LUC7L2: variants seen among roughly 807,000 people sequenced by gnomAD.
The protein encoded by LUC7L2 is LUC7 like 2, pre-mRNA splicing factor, also known as putative RNA-binding protein Luc7-like 2.
A neutral mutation model predicts 52.8 loss-of-function variants in LUC7L2; 25 were observed. That is an observed-to-expected ratio of 0.47 (90% CI 0.34 to 0.66). LUC7L2 has a LOEUF of 0.66. Ranked by LOEUF, LUC7L2 falls within the 30% of genes least tolerant of loss-of-function variation. The probability of loss-of-function intolerance (pLI) is 0.01; values close to 1 mark genes in which losing one functional copy is unlikely to be tolerated. For synonymous variants in LUC7L2, 144 were observed against 160.9 expected (o/e 0.89, Z 0.80); for missense variants, 328 against 497.8 (o/e 0.66, Z 3.25).
At chr7:139,367,858 A>G (rs971562620) in intron 1 of LUC7L2, among the ~76,000 whole-genome samples, 6 of 152,166 alleles carry the variant, frequency 3.9e-5, no homozygotes, top group Non-Finnish European at 7.3e-5. Context: ...GCAGGATTTC[A>G]CCAACTGGTT....
chr7:139,376,795 CT>C (rs1204732837), intron 2 of LUC7L2, among the ~76,000 whole-genome samples: 1 of 152,198 alleles, frequency 6.6e-6, no homozygotes, highest in African/African-American at 2.4e-5. Context: ...TTACAAGTAG[CT>C]TCCCTTCATA....
At chr7:139,392,662 T>A (rs1199000422) in intron 2 of LUC7L2, 1 of 197,610 alleles carries the variant, frequency 5.1e-6, no homozygotes, top group African/African-American at 2.4e-5. Context: ...GTAAACTACT[T>A]GTCTTTTTTT....
rs759390623 is a variant in LUC7L2 at position 139,422,347 on chromosome 7, G to A, written c.*7G>A. 4 of 1,604,036 alleles carry A rather than the reference G, an allele frequency of 2.5e-6. No individual in the cohort carries two copies. The South Asian group carries it at 3.4e-5, about 13-fold the overall frequency. On this transcript the variant is annotated 3_prime_UTR_variant, in exon 10 of 10. Transcript: ENST00000354926. The stretch of plus-strand genomic sequence containing the variant: ...CGAAGCAGGGGAGATCTAACTAGCT[G>A]TGTACATTTCTTCAGTCCTTAAGCT...
At chr7:139,379,870 A>G (rs990630168) in intron 2 of LUC7L2, among the ~76,000 whole-genome samples, 5 of 152,042 alleles carry the variant, frequency 3.3e-5, no homozygotes, top group African/African-American at 9.7e-5. Flanking sequence ...CTGGTCTGGC[A>G]TAACTAATTC....
intron 1 of LUC7L2, among the ~76,000 whole-genome samples, chr7:139,370,666 G>A (rs756833744): frequency 6.6e-6 from 1 of 152,130 alleles, no homozygotes; most frequent in Non-Finnish European, 1.5e-5. Context: ...TGTTAGCCAG[G>A]CTGGCCTTGA....
intron 1 of LUC7L2, among the ~76,000 whole-genome samples, chr7:139,360,607 G>A (rs1244101666): frequency 6.6e-6 from 1 of 152,156 alleles, no homozygotes; most frequent in Admixed American, 6.5e-5. Flanking sequence ...AGACGGGAGA[G>A]CCCGCGTCTC....
chr7:139,417,518 A>C lies in LUC7L2; in HGVS notation c.810-20A>C. The C allele has an allele frequency of 3.7e-6, 6 of 1,603,030 alleles. No individual in the cohort carries two copies. Among genetic ancestry groups the C allele is most frequent in the Non-Finnish European group, 4.3e-6 (5 of 1,171,360 alleles). On this transcript the variant is annotated intron_variant, in intron 8 of 9. Transcript: ENST00000354926. ...ATAGTAATTACAAAGGTAGAAACAA[A>C]ATCAAATCTTGTCTGGTAGATCCAG...
rs1017553408 is a variant in LUC7L2, at chr7:139,422,560, TAC to T, written c.*222_*223del. On this transcript the variant is annotated 3_prime_UTR_variant, in exon 10 of 10. Coordinates refer to ENST00000354926, the MANE Select transcript of LUC7L2 (RefSeq NM_016019.5). ...TGAACCTGTAATACAGTTCTGAAAG[TAC>T]AGTTTTATATAATAAGATGCTGATC... 10 of 912,274 alleles carry T rather than the reference TAC, an allele frequency of 1.1e-5. No individual in the cohort carries two copies. The highest frequency in any genetic ancestry group is 1.0e-4 in the African/African-American group (6 of 57,788). The allele number at this position is 912,274 out of a possible 1,614,324, so 56.5% of individuals were successfully genotyped here. A position where few individuals can be genotyped will look rare whatever the true frequency, so the allele number is the denominator to read the frequency against.
intron 1 of LUC7L2, among the ~76,000 whole-genome samples, chr7:139,362,514 A>G (rs1483872870): frequency 1.3e-5 from 2 of 151,924 alleles, no homozygotes; most frequent in African/African-American, 2.4e-5. Flanking sequence ...CAAACAGCCT[A>G]TGGGAACGCT....
At chr7:139,350,707 C>T (rs998731637) in intron 1 of LUC7L2, among the ~76,000 whole-genome samples, 5 of 150,064 alleles carry the variant, frequency 3.3e-5, no homozygotes, top group Middle Eastern at 3.2e-3. Flanking sequence ...GATGGAGTCT[C>T]GCCCAGTTGC....
intron 8 of LUC7L2, among the ~76,000 whole-genome samples, chr7:139,415,571 C>T (rs965241981): frequency 9.7e-5 from 13 of 133,484 alleles, no homozygotes; most frequent in African/African-American, 2.9e-4. Flanking sequence ...GTGGAAATAA[C>T]GCTTTTTTTT....
In LUC7L2 at chr7:139,359,911, G is replaced by A. The variant is rs1446286664; in HGVS notation, c.-351G>A. The A allele has an allele frequency of 1.4e-5, 6 of 414,506 alleles. No homozygotes were observed. Among genetic ancestry groups the A allele is most frequent in the Admixed American group, 4.4e-5 (1 of 22,766 alleles). 25.7% of individuals were successfully genotyped at this position (414,506 alleles called of 1,614,324 possible). ...GCGTGCGCGCTCCCGTCGTGGCGAC[G>A]GTGGCGGCGAGCGGCGTCAGAGCTT... On this transcript the variant is annotated 5_prime_UTR_variant, in exon 1 of 10. Transcript: ENST00000354926.
chr7:139,372,889 A>G (rs1326620420), intron 1 of LUC7L2, among the ~76,000 whole-genome samples: 7 of 152,222 alleles, frequency 4.6e-5, no homozygotes, highest in Non-Finnish European at 2.9e-5. Context: ...TCCATTGCCT[A>G]GCACAGCAGA....
chr7:139,378,336 C>T (rs1800824410), intron 2 of LUC7L2, among the ~76,000 whole-genome samples: 1 of 151,658 alleles, frequency 6.6e-6, no homozygotes, highest in Admixed American at 6.6e-5. Flanking sequence ...TTGAGAACAA[C>T]ATTAACAAAA....
chr7:139,390,025 C>T (rs1393549443), intron 2 of LUC7L2, among the ~76,000 whole-genome samples: 2 of 152,116 alleles, frequency 1.3e-5, no homozygotes, highest in Non-Finnish European at 2.9e-5. Flanking sequence ...GTGTGGCATG[C>T]ACATGTACTT....
At chr7:139,420,792 G>A (rs1795867975) in intron 9 of LUC7L2, among the ~76,000 whole-genome samples, 1 of 151,872 alleles carries the variant, frequency 6.6e-6, no homozygotes, top group Non-Finnish European at 1.5e-5. Flanking sequence ...CACTAGACTT[G>A]GCACTGTGAT....
chr7:139,402,872 G>C (rs1794976225), intron 4 of LUC7L2, among the ~76,000 whole-genome samples: 1 of 152,142 alleles, frequency 6.6e-6, no homozygotes, highest in African/African-American at 2.4e-5. Context: ...CAGTTAGGAT[G>C]CTTAAGTATA....
intron 2 of LUC7L2, among the ~76,000 whole-genome samples, chr7:139,383,982 T>TC (rs1794081241): frequency 6.9e-6 from 1 of 144,624 alleles, no homozygotes; most frequent in South Asian, 2.1e-4. Flanking sequence ...ACTCCTGACC[T>TC]GAAGTGACCC....
chr7:139,388,408 TG>T (rs1215699703), intron 2 of LUC7L2, among the ~76,000 whole-genome samples: 1 of 151,936 alleles, frequency 6.6e-6, no homozygotes, highest in Non-Finnish European at 1.5e-5. Flanking sequence ...GTTAAGAAAT[TG>T]GGAAGTGGTA....
Sources: gnomAD v4.1 joint callset for allele counts (sites outside exome capture counted in the v4.1 genomes callset) on GRCh38, gnomAD v4.1.1 for gene constraint, MANE v1.5 for transcripts, NCBI Gene and HGNC (gene_info 2026-07-23, HGNC 2026-07-21) for gene names.